Variants in MAGI2 observed in about 807,000 individuals in gnomAD.
MAGI2 encodes the protein membrane-associated guanylate kinase, WW and PDZ domain-containing protein 2.
MAGI2 carries 35 observed loss-of-function variants against 133.3 expected under a neutral mutation model. That is an observed-to-expected ratio of 0.26 (90% CI 0.20 to 0.35). The LOEUF is 0.35. Among genes scored for constraint, MAGI2 ranks in the 10% least tolerant of loss-of-function variants. The pLI, the probability that MAGI2 is intolerant of heterozygous loss-of-function variation, is 1.00. For synonymous variants in MAGI2, 729 were observed against 710.6 expected (o/e 1.03, Z -0.41); for missense variants, 1,636 against 1,863.4 (o/e 0.88, Z 2.25).
chr7:79,125,029 AC>A (rs1820276025), intron 1 of MAGI2: 1 of 237,436 alleles, frequency 4.2e-6, no homozygotes, highest in Admixed American at 4.8e-5. Context: ...AAAACCAGGT[AC>A]CCACCCAACT....
At chr7:79,445,971 G>A (rs1848822106) in intron 1 of MAGI2, among the ~76,000 whole-genome samples, 1 of 152,202 alleles carries the variant, frequency 6.6e-6, no homozygotes, top group Non-Finnish European at 1.5e-5. Flanking sequence ...ATACACCATG[G>A]AATACTATGC....
chr7:78,067,091 G>A (rs973516109), intron 21 of MAGI2, among the ~76,000 whole-genome samples: 1 of 152,180 alleles, frequency 6.6e-6, no homozygotes, highest in Admixed American at 6.5e-5. Context: ...TAGAACCTCT[G>A]GAGGGTAAGG....
chr7:78,674,098 A>T (rs1410840198), intron 2 of MAGI2, among the ~76,000 whole-genome samples: 6 of 152,180 alleles, frequency 3.9e-5, no homozygotes, highest in Admixed American at 1.3e-4. Flanking sequence ...AGCAGTCAAC[A>T]ATTTTTTGCT....
chr7:79,025,175 A>AC (rs947144975), intron 1 of MAGI2, among the ~76,000 whole-genome samples: 10 of 26,460 alleles, frequency 3.8e-4, no homozygotes, highest in Non-Finnish European at 7.2e-4. Context: ...ATGCAGCCAT[A>AC]AAAAAATGAG....
At chr7:78,364,371 A>C (rs1412685613) in intron 7 of MAGI2, among the ~76,000 whole-genome samples, 3 of 152,180 alleles carry the variant, frequency 2.0e-5, no homozygotes, top group Non-Finnish European at 4.4e-5. Flanking sequence ...CTCTCTAACC[A>C]CTTCCCAACT....
At chr7:79,245,528 G>A (rs1832754181) in intron 1 of MAGI2, among the ~76,000 whole-genome samples, 1 of 152,196 alleles carries the variant, frequency 6.6e-6, no homozygotes, top group Non-Finnish European at 1.5e-5. Context: ...TGGTGTCCAT[G>A]AGGGGAGACC....
At chr7:78,716,553 A>G (rs1265345021) in intron 2 of MAGI2, among the ~76,000 whole-genome samples, 1 of 152,224 alleles carries the variant, frequency 6.6e-6, no homozygotes, top group African/African-American at 2.4e-5. Context: ...TAAAAATTTT[A>G]GACATCTAAT....
chr7:78,705,099 A>G (rs1818500334), intron 2 of MAGI2, among the ~76,000 whole-genome samples: 1 of 152,014 alleles, frequency 6.6e-6, no homozygotes, highest in Non-Finnish European at 1.5e-5. Context: ...GAACTGGTTT[A>G]CCAGTTAATA....
chr7:78,275,906 C>CT (rs1318625841), intron 9 of MAGI2, among the ~76,000 whole-genome samples: 1 of 152,106 alleles, frequency 6.6e-6, no homozygotes, highest in South Asian at 2.1e-4. Flanking sequence ...TACGTAATAT[C>CT]TTTTTTGTAC....
At chr7:79,421,230 A>G (rs1846935384) in intron 1 of MAGI2, among the ~76,000 whole-genome samples, 1 of 151,960 alleles carries the variant, frequency 6.6e-6, no homozygotes, top group Non-Finnish European at 1.5e-5. Context: ...TTGTTTACCT[A>G]TATATTCTTA....
chr7:78,608,143 C>A (rs1003126550), intron 3 of MAGI2, among the ~76,000 whole-genome samples: 1 of 152,132 alleles, frequency 6.6e-6, no homozygotes, highest in African/African-American at 2.4e-5. Context: ...TCTATCAGGC[C>A]ACACACTAAG....
chr7:78,751,117 C>T (rs1424084643), intron 2 of MAGI2, among the ~76,000 whole-genome samples: 1 of 152,050 alleles, frequency 6.6e-6, no homozygotes, highest in African/African-American at 2.4e-5. Context: ...ATGAGATAAC[C>T]ACTTGTTCCC....
chr7:79,357,832 TA>T (rs1411750971), intron 1 of MAGI2, among the ~76,000 whole-genome samples: 2 of 152,120 alleles, frequency 1.3e-5, no homozygotes, highest in Non-Finnish European at 2.9e-5. Flanking sequence ...TTTTTAACTA[TA>T]AAAAAACCTT....
At chr7:79,389,841 A>G (rs1844468393) in intron 1 of MAGI2, among the ~76,000 whole-genome samples, 1 of 152,056 alleles carries the variant, frequency 6.6e-6, no homozygotes, top group African/African-American at 2.4e-5. Flanking sequence ...TCCTGAGTCT[A>G]GAGCTATCCC....
intron 3 of MAGI2, among the ~76,000 whole-genome samples, chr7:78,578,767 G>A (rs1802531201): frequency 6.6e-6 from 1 of 152,098 alleles, no homozygotes; most frequent in South Asian, 2.1e-4. Context: ...TTGCTAATGA[G>A]CTCATTAACC....
chr7:78,257,326 G>T (rs1019689554), intron 9 of MAGI2, among the ~76,000 whole-genome samples: 5 of 152,180 alleles, frequency 3.3e-5, no homozygotes, highest in Non-Finnish European at 7.3e-5. Context: ...AATAAATGTG[G>T]ACTATTATTA....
At chr7:78,205,443 T>A (rs1376438370) in intron 10 of MAGI2, among the ~76,000 whole-genome samples, 1 of 152,230 alleles carries the variant, frequency 6.6e-6, no homozygotes, top group Non-Finnish European at 1.5e-5. Context: ...AAAATACAAC[T>A]TTTAATGAAC....
Position 78,162,126 on chromosome 7 carries a change from G to A in MAGI2, c.2597-1853C>T, listed in dbSNP as rs79501342. Among the ~76,000 whole-genome samples, 1,289 of 152,182 alleles carry A rather than the reference G, an allele frequency of 8.5e-3. 11 individuals are homozygous for A. The highest frequency in any genetic ancestry group is 0.028 in the African/African-American group (1,165 of 41,504). On this transcript the variant is annotated intron_variant, in intron 15 of 21. Coordinates refer to ENST00000354212, the MANE Select transcript of MAGI2 (RefSeq NM_012301.4). ...GCTACATTAAATTGAAAATCTCCTC[G>A]AGTTATTGGACCAAACCAGTAACTA...
chr7:78,286,213 CCTCT>C (rs1315131188), intron 9 of MAGI2, among the ~76,000 whole-genome samples: 1 of 151,886 alleles, frequency 6.6e-6, no homozygotes, highest in Non-Finnish European at 1.5e-5. Context: ...TTTTTCCCTC[CCTCT>C]CTCTATTCCT....
Sources: allele counts gnomAD v4.1 joint callset (sites outside exome capture counted in the v4.1 genomes callset), GRCh38; gene constraint gnomAD v4.1.1; transcripts MANE v1.5; gene names NCBI Gene and HGNC (gene_info 2026-07-23, HGNC 2026-07-21).